Variants in SFXN4 observed in about 807,000 individuals in gnomAD.
SFXN4 encodes sideroflexin 4.
SFXN4 carries 48 observed loss-of-function variants against 54.6 expected under a neutral mutation model. The observed-to-expected ratio is 0.88, with a 90% CI of 0.70 to 1.12. The LOEUF (loss-of-function observed/expected upper bound fraction) is 1.12. Ranked by LOEUF, SFXN4 falls within the 50% of genes most tolerant of loss-of-function variation. The probability of loss-of-function intolerance (pLI) is 0.00; values close to 1 mark genes in which losing one functional copy is unlikely to be tolerated. For missense variants in SFXN4, 383 were observed against 409.2 expected, an observed-to-expected ratio of 0.94 and a Z score of 0.55; for synonymous variants, 130 against 145.5, an observed-to-expected ratio of 0.89 and a Z score of 0.77.
rs1234472904 is a variant in SFXN4, at chr10:119,141,507, C to CT, written c.937-189dup. Among the ~76,000 whole-genome samples the CT allele has an allele frequency of 0.17, 19,680 of 113,342 alleles. 2,267 individuals are homozygous for CT. Among genetic ancestry groups the CT allele is most frequent in the South Asian group, 0.24 (812 of 3,396 alleles). 74.4% of individuals were successfully genotyped at this position (113,342 alleles called of 152,430 possible). On this transcript the variant is annotated intron_variant, in intron 13 of 13. Coordinates refer to ENST00000355697, the MANE Select transcript of SFXN4 (RefSeq NM_213649.2). ...CCAAGCAGTAAAGAAACTTCTTAAA[C>CT]TTTTTTTTTTTTTTTTTTTTTGAGA...
At chr10:119,144,292 TA>T (rs1440236024) in intron 13 of SFXN4, among the ~76,000 whole-genome samples, 1 of 151,854 alleles carries the variant, frequency 6.6e-6, no homozygotes, top group East Asian at 1.9e-4. Flanking sequence ...CCATTTCTAC[TA>T]AAAAATACAA....
In SFXN4 at chr10:119,165,593, C is replaced by A; in HGVS notation, c.55G>T (p.Asp19Tyr). The A allele has an allele frequency of 6.3e-7, 1 of 1,594,196 alleles. No homozygotes were observed. The highest frequency in any genetic ancestry group is 8.5e-7 in the Non-Finnish European group (1 of 1,172,022). The change falls in exon 1 of 14, where the codon GAC (aspartate) becomes TAC (tyrosine). Residue 19 changes from aspartate (D) to tyrosine (Y), a missense_variant. Physicochemically the swap from Asp to Tyr is radical, Grantham distance 160. Coordinates refer to ENST00000355697, the MANE Select transcript of SFXN4 (RefSeq NM_213649.2). ...TQPGRLLGRR[D>Y]AVPAFIEPNV... ...GGCTCAATGAAGGCGGGGACGGCGTCTCTGCGTCCTAGGAGCCGCCCAGGT... is the reference window on the plus strand; with the variant it reads ...GGCTCAATGAAGGCGGGGACGGCGTATCTGCGTCCTAGGAGCCGCCCAGGT...
intron 12 of SFXN4, among the ~76,000 whole-genome samples, chr10:119,147,133 C>T (rs1347544461): frequency 2.0e-5 from 3 of 152,166 alleles, no homozygotes; most frequent in African/African-American, 7.2e-5. Context: ...GCCAATCTGG[C>T]AGGAGAGAAG....
At chr10:119,146,450 TGTGTGTGTGTGCAC>T (rs1185077285) in intron 12 of SFXN4, 97 bp from the exon 13 acceptor site, 5 of 589,754 alleles carry the variant, frequency 8.5e-6, no homozygotes, top group Non-Finnish European at 8.9e-6. Flanking sequence ...TGTGTGTGTG[TGTGTGTGTGTGCAC>T]GTGTGTGTGT....
At chr10:119,153,678 CA>C (rs1376941570) in intron 11 of SFXN4, among the ~76,000 whole-genome samples, 1 of 152,148 alleles carries the variant, frequency 6.6e-6, no homozygotes, top group Non-Finnish European at 1.5e-5. Context: ...CCAATCAGCA[CA>C]CACTGGGAGG....
chr10:119,145,612 TTAA>T (rs1846758740), intron 13 of SFXN4, among the ~76,000 whole-genome samples: 1 of 152,132 alleles, frequency 6.6e-6, no homozygotes. Context: ...CCTGATTTTC[TTAA>T]TAACGTTCTA....
chr10:119,162,111 G>T lies in SFXN4; in HGVS notation c.252+229C>A, dbSNP rs2282254. The T allele has an allele frequency of 0.014, 7,393 of 542,888 alleles. 146 individuals are homozygous for T. Among genetic ancestry groups the T allele is most frequent in the East Asian group, 0.06 (1,881 of 31,206 alleles). 33.6% of individuals were successfully genotyped at this position (542,888 alleles called of 1,614,324 possible). A position where few individuals can be genotyped will look rare whatever the true frequency, so the allele number is the denominator to read the frequency against. ...AACTTGCTGTCTGGTTTATGGGACA[G>T]AATTCTAACTACATTTAAAAAACTA... On this transcript the variant is annotated intron_variant, in intron 3 of 13. Transcript: ENST00000355697.
At position 119,146,269 on chromosome 10, in the gene SFXN4, TG is replaced by T; in HGVS notation, c.902del (p.Pro301HisfsTer42). ...TCTGTGGAAATATACTAAAAGAAAA[TG>T]GCACCATCAGTCCCATTGCCAGGAC... Reference protein sequence around the residue: ...CTVLAMGLMVPFSFSIFPQIG... With the variant: ...CTVLAMGLMVXFSFSIFPQIG... On this transcript the variant is annotated frameshift_variant, in exon 13 of 14. Transcript: ENST00000355697. LOFTEE classifies it high-confidence loss of function. 1.2e-6 allele frequency: 2 copies of T among 1,612,276 alleles called. No individual in the cohort carries two copies. Among genetic ancestry groups the T allele is most frequent in the Non-Finnish European group, 8.5e-7 (1 of 1,178,816 alleles).
At chr10:119,156,906 T>C in intron 9 of SFXN4, 150 bp from the exon 10 acceptor site, 1 of 608,936 alleles carries the variant, frequency 1.6e-6, no homozygotes, top group Admixed American at 2.8e-5. Context: ...TCCTGCAACG[T>C]GGAGGTCCTC....
rs1223685344 is a variant in SFXN4 at position 119,145,311 on chromosome 10, A to ATT, written c.936+923_936+924dup. ...AACAGTAAATATATTTTTTCTTATG[A>ATT]TTTTTTTTTTTTTTTTTTTTGAGAC... is the stretch of plus-strand genomic sequence containing the variant. On this transcript the variant is annotated intron_variant, in intron 13 of 13. Coordinates refer to ENST00000355697, the MANE Select transcript of SFXN4 (RefSeq NM_213649.2). Among the ~76,000 whole-genome samples, 78 of 68,072 alleles carry ATT rather than the reference A, an allele frequency of 1.1e-3. 1 individual carries two copies. The highest frequency in any genetic ancestry group is 2.5e-3 in the African/African-American group (56 of 22,422). 44.7% of individuals were successfully genotyped at this position (68,072 alleles called of 152,430 possible).
At chr10:119,151,336 T>C (rs1847060829) in intron 11 of SFXN4, among the ~76,000 whole-genome samples, 1 of 138,100 alleles carries the variant, frequency 7.2e-6, no homozygotes, top group African/African-American at 2.7e-5. Context: ...ACCATTGCAC[T>C]CCAGCCTGGG....
Position 119,164,197 on chromosome 10 carries a change from CT to C in SFXN4, c.112-2del. ...ATTGAAGAAATCGTCGAATAAAGGA[CT>C]TAGGAGGGAGAAAAGCAACAGAGAG... On this transcript the variant is annotated splice_acceptor_variant, in intron 1 of 13. Coordinates refer to ENST00000355697, the MANE Select transcript of SFXN4 (RefSeq NM_213649.2). LOFTEE classifies it high-confidence loss of function. The C allele has an allele frequency of 6.4e-7, 1 of 1,574,470 alleles. No homozygotes were observed. The highest frequency in any genetic ancestry group is 8.7e-7 in the Non-Finnish European group (1 of 1,154,396).
At chr10:119,142,412 T>C (rs532658740) in intron 13 of SFXN4, among the ~76,000 whole-genome samples, 225 of 152,230 alleles carry the variant, frequency 1.5e-3, no homozygotes, top group African/African-American at 4.5e-3. Context: ...TCATTATTGA[T>C]ATAGTACTTG....
At chr10:119,141,959 A>G (rs183392790) in intron 13 of SFXN4, among the ~76,000 whole-genome samples, 53 of 152,250 alleles carry the variant, frequency 3.5e-4, no homozygotes, top group African/African-American at 1.3e-3. Flanking sequence ...TGGAGGTTAC[A>G]GTGAGCCGAG....
rs1040517522 is a variant in SFXN4, at chr10:119,165,546, G to T, written c.102C>A (p.Thr34=). The T allele has an allele frequency of 1.3e-6, 2 of 1,584,500 alleles. No individual in the cohort carries two copies. Among genetic ancestry groups the T allele is most frequent in the Admixed American group, 1.7e-5 (1 of 57,564 alleles). Residue 34 remains threonine, a synonymous_variant, in exon 1 of 14, where the codon ACC becomes ACA. Transcript: ENST00000355697. ...FIEPNVRFWI[T]ERQSFIRRFL... is the part of the protein sequence containing the mutation. Reference sequence around the variant, plus strand: ...CGGGCCCGGGCCGTACTTGGCGCTCGGTGATCCAGAAGCGCACGTTGGGCT... The same window carrying T: ...CGGGCCCGGGCCGTACTTGGCGCTCTGTGATCCAGAAGCGCACGTTGGGCT...
At position 119,156,566 on chromosome 10, in the gene SFXN4, T is replaced by C. The variant is rs891057928; in HGVS notation, c.616+112A>G. 2.7e-4 allele frequency: 224 copies of C among 842,976 alleles called. 5 individuals carry two copies. The highest frequency in any genetic ancestry group is 4.8e-5 in the Admixed American group (2 of 41,258). The allele number at this position is 842,976 out of a possible 1,614,324, so 52.2% of individuals were successfully genotyped here. A position where few individuals can be genotyped will look rare whatever the true frequency, so the allele number is the denominator to read the frequency against. On this transcript the variant is annotated intron_variant, in intron 10 of 13. Coordinates refer to ENST00000355697, the MANE Select transcript of SFXN4 (RefSeq NM_213649.2). Reference sequence around the variant, plus strand: ...GGCCTGCCGGGCTGCAAAGGCCACCTGTCATCAGTCACAATGTGCCAAGGG... The same window carrying C: ...GGCCTGCCGGGCTGCAAAGGCCACCCGTCATCAGTCACAATGTGCCAAGGG...
rs528060856 is a variant in SFXN4, at chr10:119,146,159, T to C, written c.936+77A>G. 5.2e-5 allele frequency: 44 copies of C among 841,364 alleles called. No homozygotes were observed. The South Asian group carries it at 6.6e-4, about 13-fold the overall frequency. The allele number at this position is 841,364 out of a possible 1,614,324, so 52.1% of individuals were successfully genotyped here. ...TATTTTTATAAACTTTGCAGAGTTT[T>C]AAGAAGAATAACTTATTTTATTCTT... On this transcript the variant is annotated intron_variant, in intron 13 of 13. Transcript: ENST00000355697.
intron 10 of SFXN4, among the ~76,000 whole-genome samples, chr10:119,155,707 G>A (rs1311731762): frequency 6.6e-6 from 1 of 152,132 alleles, no homozygotes; most frequent in Non-Finnish European, 1.5e-5. Context: ...TGGTCAGGCT[G>A]GTCTCAAACT....
At chr10:119,164,265 T>C (rs1847674086) in intron 1 of SFXN4, 69 bp from the exon 2 acceptor site, 1 of 779,468 alleles carries the variant, frequency 1.3e-6, no homozygotes. Flanking sequence ...TACTAACAGT[T>C]GGCTTTTTTT....
Sources: allele counts gnomAD v4.1 joint callset (sites outside exome capture counted in the v4.1 genomes callset), GRCh38; gene constraint gnomAD v4.1.1; transcripts MANE v1.5; gene names NCBI Gene and HGNC (gene_info 2026-07-23, HGNC 2026-07-21).